The following CIZ1 variants were observed in gnomAD, a reference collection of about 807,000 sequenced individuals.
CIZ1 encodes cip1-interacting zinc finger protein.
CIZ1 carries 58 observed loss-of-function variants against 118.6 expected under a neutral mutation model. The observed-to-expected ratio is 0.49, with a 90% CI of 0.40 to 0.61. The LOEUF (loss-of-function observed/expected upper bound fraction) is 0.61, where lower values mean the gene tolerates loss of function less well. CIZ1 is among the 20% of genes least tolerant of loss of function. CIZ1 has a pLI of 0.00. For synonymous variants in CIZ1, 448 were observed against 443.4 expected, an observed-to-expected ratio of 1.01 and a Z score of -0.13; for missense variants, 921 against 1,115.9, an observed-to-expected ratio of 0.83 and a Z score of 2.49.
chr9:128,180,934 G>C, intron 5 of CIZ1, 120 bp from the exon 6 acceptor site: 1 of 726,120 alleles, frequency 1.4e-6, no homozygotes, highest in East Asian at 2.6e-5. Flanking sequence ...CCTCTGGTGG[G>C]CCTGGCCCCA....
upstream of CIZ1, among the ~76,000 whole-genome samples, chr9:128,195,696 TCA>T (rs1381819130): frequency 1.3e-5 from 2 of 152,204 alleles, no homozygotes; most frequent in Admixed American, 1.3e-4. Context: ...CATGATGATG[TCA>T]CATACTTTGA....
chr9:128,187,836 T>C (rs1261674546), intron 4 of CIZ1, 27 bp downstream of exon 4: 3 of 604,566 alleles, frequency 5.0e-6, no homozygotes, highest in South Asian at 4.7e-5. Flanking sequence ...TATACATTTA[T>C]ATATATATAT....
intron 11 of CIZ1, among the ~76,000 whole-genome samples, chr9:128,174,534 T>C (rs1830624409): frequency 1.3e-5 from 2 of 152,262 alleles, no homozygotes; most frequent in South Asian, 4.1e-4. Context: ...TTCTGTCTTA[T>C]AGAAATTAGA....
chr9:128,185,517 C>A (rs745472659), intron 5 of CIZ1, 30 bp downstream of exon 5: 6 of 1,401,140 alleles, frequency 4.3e-6, no homozygotes, highest in Non-Finnish European at 4.8e-6. Flanking sequence ...GGTCCCCTCC[C>A]GCCCACTCCC....
At chr9:128,188,099 GC>G (rs1832660230) in intron 3 of CIZ1, among the ~76,000 whole-genome samples, 165 bp from the exon 4 acceptor site, 1 of 31,684 alleles carries the variant, frequency 3.2e-5, no homozygotes, top group Non-Finnish European at 7.7e-5. Context: ...ATTAAAAAAA[GC>G]AAAAGAAAGA....
Position 128,191,090 on chromosome 9 carries a change from C to T in CIZ1, c.-5-228G>A, listed in dbSNP as rs566732411. Among the ~76,000 whole-genome samples the T allele has an allele frequency of 6.6e-6, 1 of 152,246 alleles. No individual in the cohort carries two copies. Among genetic ancestry groups the T allele is most frequent in the Admixed American group, 6.5e-5 (1 of 15,296 alleles). ...TTCAACCACCCTCCTGCCAATGCCC[C>T]CCAGACACTGCCAACAGCCCCTCCT... On this transcript the variant is annotated intron_variant, in intron 1 of 16. Coordinates refer to ENST00000372938, the MANE Select transcript of CIZ1 (RefSeq NM_001131016.2). This position sits in a 1 kb window ranked among gnomAD's most constrained non-coding sequence, Gnocchi z 5.5.
intron 5 of CIZ1, among the ~76,000 whole-genome samples, chr9:128,184,728 C>T (rs1395568337): frequency 2.0e-5 from 3 of 151,970 alleles, no homozygotes; most frequent in Admixed American, 6.6e-5. Context: ...AGTGCAATGG[C>T]GCAATCTTGG....
rs1463165869 is a variant in CIZ1, at chr9:128,176,439, G to T, written c.1855C>A (p.Gln619Lys). The change falls in exon 11 of 17, where the codon CAG becomes AAG. Residue 619 changes from glutamine (Q) to lysine (K), a missense_variant. By Grantham distance (53) the Gln-to-Lys change is moderately conservative. Coordinates refer to ENST00000372938, the MANE Select transcript of CIZ1 (RefSeq NM_001131016.2). ...ATGTGCTGGATCTCCCCTAGCCGCTGCTGGTGCTGAGGCTCCGACATGTGG... is the reference window on the plus strand; with the variant it reads ...ATGTGCTGGATCTCCCCTAGCCGCTTCTGGTGCTGAGGCTCCGACATGTGG... ...QDHMSEPQHQ[Q>K]RLGEIQHMSQ... 6.2e-6 allele frequency: 10 copies of T among 1,613,828 alleles called. No homozygotes were observed. The highest frequency in any genetic ancestry group is 7.6e-6 in the Non-Finnish European group (9 of 1,179,988).
upstream of CIZ1, among the ~76,000 whole-genome samples, chr9:128,196,580 G>C (rs1833382285): frequency 6.7e-6 from 1 of 150,306 alleles, no homozygotes; most frequent in African/African-American, 2.4e-5. Flanking sequence ...AAAGAGAAAA[G>C]AAAAGAATGA....
intron 4 of CIZ1, among the ~76,000 whole-genome samples, chr9:128,186,226 A>G (rs1370834642): frequency 6.6e-6 from 1 of 152,024 alleles, no homozygotes; most frequent in Non-Finnish European, 1.5e-5. Flanking sequence ...ACACTGCCTC[A>G]GTCCCTCGGC....
At position 128,167,144 on chromosome 9, in the gene CIZ1, G is replaced by A. The variant is rs563232675; in HGVS notation, c.2316C>T (p.Ser772=). 5.0e-6 allele frequency: 8 copies of A among 1,598,512 alleles called. No individual in the cohort carries two copies. In the East Asian group the frequency reaches 1.8e-4, roughly 36 times the overall value. Residue 772 remains serine, a synonymous_variant, in exon 15 of 17, where the codon TCC becomes TCT. Coordinates refer to ENST00000372938, the MANE Select transcript of CIZ1 (RefSeq NM_001131016.2). ...TCTCCGAGCCCTTCCACTCCTCTCT[G>A]GATATATCTCTGGACCTCACCTGAA... ...LCKQVRSRDI[S]REEWKGSETY...
In CIZ1 at chr9:128,169,102, C is replaced by A. The variant is rs1309635694; in HGVS notation, c.2245G>T (p.Asp749Tyr). ...TCGATCTCTTCTTCATCCTCATCATCCTCTTCCTCTTCTTCATCACCCTCG... is the reference window on the plus strand; with the variant it reads ...TCGATCTCTTCTTCATCCTCATCATACTCTTCCTCTTCTTCATCACCCTCG... ...CFEGDEEEEE[D>Y]DEDEEEIEVE... The change falls in exon 14 of 17, where the codon GAT (aspartate) becomes TAT (tyrosine). Residue 749 changes from aspartate to tyrosine, a missense_variant. Physicochemically the swap from Asp to Tyr is radical, Grantham distance 160. Coordinates refer to ENST00000372938, the MANE Select transcript of CIZ1 (RefSeq NM_001131016.2). The A allele has an allele frequency of 6.2e-7, 1 of 1,614,090 alleles. No homozygotes were observed. Among genetic ancestry groups the A allele is most frequent in the African/African-American group, 1.3e-5 (1 of 75,042 alleles).
At chr9:128,197,209 A>C (rs1282051568) in intron 1 of CIZ1, 2 of 152,224 alleles carry the variant, frequency 1.3e-5, no homozygotes, top group African/African-American at 4.8e-5. Context: ...AAATTAGTGA[A>C]TGATGAATGA....
At chr9:128,178,229 A>G (rs1831116838) in intron 9 of CIZ1, 140 bp downstream of exon 9, 1 of 1,066,460 alleles carries the variant, frequency 9.4e-7, no homozygotes, top group Non-Finnish European at 1.4e-6. Context: ...CTGGCCACCC[A>G]TCCTAGGCAG....
rs1833673861 is a variant in CIZ1, at chr9:128,203,889, T to C, written c.-6+297A>G. Among the ~76,000 whole-genome samples the C allele has an allele frequency of 4.0e-5, 6 of 151,506 alleles. No homozygotes were observed. Among genetic ancestry groups the C allele is most frequent in the Admixed American group, 3.9e-4 (6 of 15,264 alleles). ...ACGCCCCCTCCTCCGTCCCATCCTT[T>C]AGGGCAGACAACGCTCTGCCAGAAG... On this transcript the variant is annotated intron_variant, in intron 1 of 17. Transcript: ENST00000372948. This position sits in a 1 kb window ranked among gnomAD's most constrained non-coding sequence, Gnocchi z 5.3.
At chr9:128,196,791 A>G (rs1472406650) in intron 1 of CIZ1, 1 of 152,066 alleles carries the variant, frequency 6.6e-6, no homozygotes, top group African/African-American at 2.4e-5. Flanking sequence ...TTTAGTAGAG[A>G]CAAGGTTTCA....
At chr9:128,169,667 C>T (rs992394555) in intron 12 of CIZ1, 148 bp from the exon 13 acceptor site, 106 of 1,538,802 alleles carry the variant, frequency 6.9e-5, no homozygotes, top group Non-Finnish European at 8.8e-5. Flanking sequence ...TGCACTGGAA[C>T]GTGGGCAAAC....
At chr9:128,174,784 G>A (rs549451325) in intron 11 of CIZ1, among the ~76,000 whole-genome samples, 194 of 152,198 alleles carry the variant, frequency 1.3e-3, no homozygotes, top group Non-Finnish European at 2.4e-3. Context: ...TCAGCCTCCC[G>A]AGTAGCTGGG....
Position 128,179,087 on chromosome 9 carries a change from G to T in CIZ1, c.1120C>A (p.Gln374Lys). Residue 374 changes from glutamine (Q) to lysine (K), a missense_variant, in exon 8 of 17, where the codon CAG (glutamine) becomes AAG (lysine). Coordinates refer to ENST00000372938, the MANE Select transcript of CIZ1 (RefSeq NM_001131016.2). Reference sequence around the variant, plus strand: ...TGTGGCTGTACCTGTGGCTGCACCTGCTTCTGTGGCTCTGCCTCCTGCTGC... The same window carrying T: ...TGTGGCTGTACCTGTGGCTGCACCTTCTTCTGTGGCTCTGCCTCCTGCTGC... ...QLQQEAEPQK[Q>K]VQPQVQPQAH... The T allele has an allele frequency of 6.2e-7, 1 of 1,613,900 alleles. No homozygotes were observed. The highest frequency in any genetic ancestry group is 8.5e-7 in the Non-Finnish European group (1 of 1,179,842).
Sources: allele counts gnomAD v4.1 joint callset (sites outside exome capture counted in the v4.1 genomes callset), GRCh38; gene constraint gnomAD v4.1.1; non-coding constraint Gnocchi (gnomAD v3.1); transcripts MANE v1.5; gene names NCBI Gene and HGNC (gene_info 2026-07-23, HGNC 2026-07-21).